The following ZMAT4 variants were observed in gnomAD, a reference collection of about 807,000 sequenced individuals.
ZMAT4 encodes zinc finger matrin-type 4.
ZMAT4 carries 17 observed loss-of-function variants against 28.7 expected under a neutral mutation model. The ratio of observed to expected loss-of-function variants is 0.59; its 90% CI spans 0.41 to 0.89. The LOEUF (loss-of-function observed/expected upper bound fraction) is 0.89, where lower values mean the gene tolerates loss of function less well. Among genes scored for constraint, ZMAT4 ranks in the 40% least tolerant of loss-of-function variants. The probability of loss-of-function intolerance (pLI) is 0.00; values close to 1 mark genes in which losing one functional copy is unlikely to be tolerated. For missense variants in ZMAT4, 240 were observed against 283.8 expected (o/e 0.85, Z 1.11); for synonymous variants, 117 against 109.2 (o/e 1.07, Z -0.44).
intron 3 of ZMAT4, among the ~76,000 whole-genome samples, chr8:40,732,571 C>A (rs959989621): frequency 6.6e-6 from 1 of 152,208 alleles, no homozygotes; most frequent in Non-Finnish European, 1.5e-5. Context: ...AGAGTGGCAG[C>A]TAAATTACCA....
chr8:40,825,962 A>G (rs1422404211), intron 1 of ZMAT4, among the ~76,000 whole-genome samples: 1 of 152,226 alleles, frequency 6.6e-6, no homozygotes, highest in Non-Finnish European at 1.5e-5. Context: ...ATGCCTTGTC[A>G]AGAGTTTATG....
intron 2 of ZMAT4, among the ~76,000 whole-genome samples, chr8:40,793,075 C>T (rs1261659460): frequency 6.6e-6 from 1 of 151,974 alleles, no homozygotes; most frequent in Admixed American, 6.6e-5. Context: ...AAAGAGTGAG[C>T]CCTGAGCGCA....
chr8:40,719,036 G>A (rs559522442), intron 3 of ZMAT4, among the ~76,000 whole-genome samples: 1 of 152,318 alleles, frequency 6.6e-6, no homozygotes, highest in South Asian at 2.1e-4. Flanking sequence ...TCACTCAGAT[G>A]AGAACCGGAT....
chr8:40,735,844 C>A (rs537355744), intron 3 of ZMAT4, among the ~76,000 whole-genome samples: 42 of 152,256 alleles, frequency 2.8e-4, no homozygotes, highest in South Asian at 1.9e-3. Flanking sequence ...TGGATGGGCG[C>A]TCGGGAAGCA....
At chr8:40,724,098 A>T (rs1158184401) in intron 3 of ZMAT4, among the ~76,000 whole-genome samples, 1 of 151,242 alleles carries the variant, frequency 6.6e-6, no homozygotes, top group Non-Finnish European at 1.5e-5. Context: ...TGTTCTTCCC[A>T]CTGCACTTAG....
intron 2 of ZMAT4, among the ~76,000 whole-genome samples, chr8:40,769,088 C>T (rs1041422844): frequency 2.0e-5 from 3 of 152,154 alleles, no homozygotes; most frequent in African/African-American, 7.2e-5. Context: ...TCTAGACAAT[C>T]CCTGAACACT....
chr8:40,852,791 A>G (rs897602521), intron 1 of ZMAT4, among the ~76,000 whole-genome samples: 1 of 152,136 alleles, frequency 6.6e-6, no homozygotes, highest in South Asian at 2.1e-4. Context: ...CCAAATGTTG[A>G]TACATTTCAT....
intron 3 of ZMAT4, among the ~76,000 whole-genome samples, chr8:40,708,748 C>T (rs1033601709): frequency 6.7e-6 from 1 of 150,106 alleles, no homozygotes; most frequent in South Asian, 2.1e-4. Flanking sequence ...CACCCAGGTT[C>T]AAGTGATTCT....
At chr8:40,800,339 A>T (rs753945779) in intron 2 of ZMAT4, among the ~76,000 whole-genome samples, 10 of 96,500 alleles carry the variant, frequency 1.0e-4, no homozygotes, top group Non-Finnish European at 2.1e-4. Context: ...CAAAGCCAAA[A>T]AGCAGAAACT....
At chr8:40,684,950 C>T (rs1809335155) in intron 4 of ZMAT4, among the ~76,000 whole-genome samples, 2 of 151,972 alleles carry the variant, frequency 1.3e-5, no homozygotes, top group Non-Finnish European at 2.9e-5. Context: ...TTTTGAGTTG[C>T]CTTAAGCATA....
intron 5 of ZMAT4, among the ~76,000 whole-genome samples, chr8:40,645,439 G>T (rs1235625637): frequency 6.6e-6 from 1 of 152,164 alleles, no homozygotes; most frequent in South Asian, 2.1e-4. Flanking sequence ...TTAGAGAGAA[G>T]AATATATAAA....
chr8:40,668,162 G>A (rs1453933263), intron 5 of ZMAT4, among the ~76,000 whole-genome samples: 1 of 152,050 alleles, frequency 6.6e-6, no homozygotes, highest in African/African-American at 2.4e-5. Context: ...AGAGTTCCCA[G>A]GCATCATTAA....
At chr8:40,679,531 C>G (rs1213158703) in intron 4 of ZMAT4, among the ~76,000 whole-genome samples, 1 of 152,080 alleles carries the variant, frequency 6.6e-6, no homozygotes, top group Non-Finnish European at 1.5e-5. Context: ...GGAGAAATGC[C>G]AAGCAAAGGA....
intron 2 of ZMAT4, among the ~76,000 whole-genome samples, chr8:40,770,651 A>G (rs7010831): frequency 0.82 from 123,693 of 151,004 alleles, 52,180 homozygotes; most frequent in Non-Finnish European, 0.94. Context: ...AGGTTCAAGC[A>G]ATTATCCTGC....
At chr8:40,682,787 T>C (rs1469881701) in intron 4 of ZMAT4, among the ~76,000 whole-genome samples, 2 of 152,196 alleles carry the variant, frequency 1.3e-5, no homozygotes, top group African/African-American at 2.4e-5. Flanking sequence ...AAGAGAGTAT[T>C]CATAGACCAT....
chr8:40,636,511 A>T (rs1211895156), intron 5 of ZMAT4, among the ~76,000 whole-genome samples: 1 of 152,198 alleles, frequency 6.6e-6, no homozygotes, highest in African/African-American at 2.4e-5. Flanking sequence ...ATGCCTCCAC[A>T]TTTCTACAGC....
intron 5 of ZMAT4, among the ~76,000 whole-genome samples, chr8:40,617,399 C>A (rs1239350378): frequency 6.6e-6 from 1 of 152,138 alleles, no homozygotes; most frequent in Non-Finnish European, 1.5e-5. Context: ...TAATGCACAC[C>A]AAAGTTTGAA....
At chr8:40,588,240 G>A (rs1346806066) in intron 5 of ZMAT4, among the ~76,000 whole-genome samples, 1 of 151,700 alleles carries the variant, frequency 6.6e-6, no homozygotes, top group Non-Finnish European at 1.5e-5. Flanking sequence ...GATTTCTTAG[G>A]AAACAAAAAG....
At chr8:40,696,776 A>C (rs1428846503) in intron 4 of ZMAT4, among the ~76,000 whole-genome samples, 1 of 152,168 alleles carries the variant, frequency 6.6e-6, no homozygotes, top group East Asian at 1.9e-4. Flanking sequence ...AAGTACTTTT[A>C]AAGATTATAG....
Sources: allele counts gnomAD v4.1 joint callset (sites outside exome capture counted in the v4.1 genomes callset), GRCh38; gene constraint gnomAD v4.1.1; transcripts MANE v1.5; gene names NCBI Gene and HGNC (gene_info 2026-07-23, HGNC 2026-07-21).